HS3ST5: variants seen among roughly 807,000 people sequenced by gnomAD.
HS3ST5 encodes the protein heparan sulfate-glucosamine 3-sulfotransferase 5.
HS3ST5 carries 10 observed loss-of-function variants against 25.4 expected under a neutral mutation model. The ratio of observed to expected loss-of-function variants is 0.39; its 90% confidence interval spans 0.24 to 0.67. The LOEUF is 0.67. Ranked by LOEUF, HS3ST5 falls within the 30% of genes least tolerant of loss-of-function variation. The pLI is 0.44. For synonymous variants in HS3ST5, 170 were observed against 162.4 expected (o/e 1.05, Z -0.36); for missense variants, 324 against 420.7 (o/e 0.77, Z 2.01).
At position 114,078,654 on chromosome 6, in the gene HS3ST5, A is replaced by T. The variant is rs571015328; in HGVS notation, c.-32-15777T>A. Among the ~76,000 whole-genome samples, 9 of 152,346 alleles carry T rather than the reference A, an allele frequency of 5.9e-5. No homozygotes were observed. The South Asian group carries it at 1.9e-3, about 32-fold the overall frequency. The stretch of plus-strand genomic sequence containing the variant: ...GATGAGGAAGCCAAGACCTCATTAA[A>T]GTGTGGTGCCCCAGTCTACCTAGCA... On this transcript the variant is annotated intron_variant, in intron 3 of 4. Transcript: ENST00000312719.
intron 3 of HS3ST5, among the ~76,000 whole-genome samples, chr6:114,069,861 G>T (rs966189292): frequency 6.6e-6 from 1 of 151,986 alleles, no homozygotes; most frequent in Non-Finnish European, 1.5e-5. Flanking sequence ...ATTGTTTTGG[G>T]GATACAGATG....
intron 1 of HS3ST5, among the ~76,000 whole-genome samples, chr6:114,248,930 C>T (rs1369688029): frequency 6.6e-6 from 1 of 152,184 alleles, no homozygotes; most frequent in Non-Finnish European, 1.5e-5. Context: ...TGGTAGCAGA[C>T]ACTTTAGGTG....
intron 3 of HS3ST5, among the ~76,000 whole-genome samples, chr6:114,127,067 T>C (rs1777076650): frequency 6.6e-6 from 1 of 152,100 alleles, no homozygotes; most frequent in Non-Finnish European, 1.5e-5. Flanking sequence ...ATGACATCTT[T>C]TAGTCCTGCG....
In HS3ST5 at chr6:114,284,418, T is replaced by C. The variant is rs1774250546; in HGVS notation, c.-338-55640A>G. Among the ~76,000 whole-genome samples the C allele has an allele frequency of 2.6e-5, 4 of 152,076 alleles. No individual in the cohort carries two copies. In the South Asian group the frequency reaches 8.3e-4, roughly 32 times the overall value. ...TCATGGTGAGAAACTAGTTATGAAA[T>C]CTTTTATTCTCAAGTAATTGTGCTG... On this transcript the variant is annotated intron_variant, in intron 1 of 4. Coordinates refer to ENST00000312719, the MANE Select transcript of HS3ST5 (RefSeq NM_153612.4).
At chr6:114,202,214 G>A (rs925140360) in intron 2 of HS3ST5, among the ~76,000 whole-genome samples, 2 of 152,118 alleles carry the variant, frequency 1.3e-5, no homozygotes, top group African/African-American at 2.4e-5. Flanking sequence ...GAGACCAGGC[G>A]TTTGACACTA....
chr6:114,105,225 A>G (rs567799572), intron 3 of HS3ST5, among the ~76,000 whole-genome samples: 1 of 152,328 alleles, frequency 6.6e-6, no homozygotes, highest in East Asian at 1.9e-4. Flanking sequence ...GAAAAGTGAT[A>G]TATAATCCCT....
At chr6:114,072,838 C>A (rs1773901936) in intron 3 of HS3ST5, among the ~76,000 whole-genome samples, 1 of 152,160 alleles carries the variant, frequency 6.6e-6, no homozygotes, top group Non-Finnish European at 1.5e-5. Context: ...ATAGCCAAGA[C>A]AATCCTAAGC....
At chr6:114,224,603 G>T (rs1334625681) in intron 2 of HS3ST5, among the ~76,000 whole-genome samples, 1 of 150,680 alleles carries the variant, frequency 6.6e-6, no homozygotes, top group African/African-American at 2.4e-5. Context: ...TCTATAGTTT[G>T]ATTGTGAGTT....
chr6:114,327,547 G>A (rs571497735), intron 1 of HS3ST5, among the ~76,000 whole-genome samples: 1 of 152,294 alleles, frequency 6.6e-6, no homozygotes, highest in East Asian at 1.9e-4. Flanking sequence ...ATATTATACA[G>A]AGTCTATTTT....
intron 1 of HS3ST5, among the ~76,000 whole-genome samples, chr6:114,307,581 T>C (rs1000429452): frequency 5.3e-5 from 8 of 152,154 alleles, no homozygotes; most frequent in Non-Finnish European, 1.2e-4. Flanking sequence ...TTGAAGTGTG[T>C]ATAAAGTAAT....
chr6:114,314,342 A>G (rs769310035), intron 1 of HS3ST5, among the ~76,000 whole-genome samples: 1 of 152,206 alleles, frequency 6.6e-6, no homozygotes, highest in Admixed American at 6.5e-5. Context: ...TTTAACAACC[A>G]CTACTTTAGA....
chr6:114,197,128 CTTTT>C (rs201077147), intron 2 of HS3ST5, among the ~76,000 whole-genome samples: 2 of 142,448 alleles, frequency 1.4e-5, no homozygotes, highest in Admixed American at 7.0e-5. Flanking sequence ...TTCTTTCTTT[CTTTT>C]TTTTTTTTTG....
chr6:114,082,461 G>A (rs1288838242), intron 3 of HS3ST5, among the ~76,000 whole-genome samples: 1 of 152,158 alleles, frequency 6.6e-6, no homozygotes, highest in Admixed American at 6.5e-5. Flanking sequence ...ACACAAACTT[G>A]TAAAGAAGAG....
chr6:114,281,952 AT>A (rs1247702232), intron 1 of HS3ST5: 1 of 152,120 alleles, frequency 6.6e-6, no homozygotes, highest in Admixed American at 6.6e-5. Context: ...GAGTCTTGGC[AT>A]TTGGATGAAT....
At chr6:114,113,062 C>A (rs1776343771) in intron 3 of HS3ST5, among the ~76,000 whole-genome samples, 1 of 152,096 alleles carries the variant, frequency 6.6e-6, no homozygotes, top group Non-Finnish European at 1.5e-5. Context: ...TCCACTTTCC[C>A]CCTCAAATGC....
chr6:114,095,146 C>T (rs752743712), intron 3 of HS3ST5, among the ~76,000 whole-genome samples: 1 of 152,174 alleles, frequency 6.6e-6, no homozygotes, highest in Admixed American at 6.5e-5. Flanking sequence ...CTGCTAACTT[C>T]GTGAGAATTT....
At chr6:114,194,745 G>T (rs1460502719) in intron 2 of HS3ST5, among the ~76,000 whole-genome samples, 1 of 152,156 alleles carries the variant, frequency 6.6e-6, no homozygotes, top group Admixed American at 6.5e-5. Context: ...CCATGGAGAG[G>T]CATGAAGCTC....
intron 1 of HS3ST5, among the ~76,000 whole-genome samples, chr6:114,313,189 C>A (rs1212671976): frequency 6.6e-6 from 1 of 151,938 alleles, no homozygotes; most frequent in Non-Finnish European, 1.5e-5. Flanking sequence ...AAAATAACAA[C>A]AACATACCAA....
At chr6:114,285,834 T>A (rs894326731) in intron 1 of HS3ST5, among the ~76,000 whole-genome samples, 3 of 151,844 alleles carry the variant, frequency 2.0e-5, no homozygotes, top group Non-Finnish European at 2.9e-5. Flanking sequence ...AAATAAAATT[T>A]AAAAAAATTA....
Sources: allele counts gnomAD v4.1 joint callset (sites outside exome capture counted in the v4.1 genomes callset), GRCh38; gene constraint gnomAD v4.1.1; transcripts MANE v1.5; gene names NCBI Gene and HGNC (gene_info 2026-07-23, HGNC 2026-07-21).